The following PAG1 variants were observed in gnomAD, a reference collection of about 807,000 sequenced individuals.
PAG1 encodes phosphoprotein associated with glycosphingolipid-enriched microdomains 1.
A neutral mutation model predicts 31.7 loss-of-function variants in PAG1; 23 were observed. The ratio of observed to expected loss-of-function variants is 0.73; its 90% CI spans 0.52 to 1.03. PAG1 has a LOEUF of 1.03. PAG1 is among the 50% of genes least tolerant of loss of function. The pLI, the probability that PAG1 is intolerant of heterozygous loss-of-function variation, is 0.00. For missense variants in PAG1, 473 were observed against 540.7 expected, an observed-to-expected ratio of 0.87 and a Z score of 1.24; for synonymous variants, 214 against 210.3, an observed-to-expected ratio of 1.02 and a Z score of -0.15.
In PAG1 at chr8:80,993,309, T is replaced by C. The variant is rs1400382518; in HGVS notation, c.-80-2A>G. ...GACATGGAGGCAGAGAGCTGTGTCC[T>C]GCAAAGAGACCAGTGCGTTTGGAGA... is the stretch of plus-strand genomic sequence containing the variant. On this transcript the variant is annotated splice_acceptor_variant, in intron 3 of 8. Coordinates refer to ENST00000220597, the MANE Select transcript of PAG1 (RefSeq NM_018440.4). LOFTEE classifies it low-confidence loss of function (5UTR_SPLICE). The C allele has an allele frequency of 2.2e-6, 3 of 1,391,502 alleles. No homozygotes were observed. In the African/African-American group the frequency reaches 4.3e-5, roughly 20 times the overall value. The allele number at this position is 1,391,502 out of a possible 1,614,324, so 86.2% of individuals were successfully genotyped here. A position where few individuals can be genotyped will look rare whatever the true frequency, so the allele number is the denominator to read the frequency against.
At chr8:80,996,704 G>A (rs905174612) in intron 3 of PAG1, among the ~76,000 whole-genome samples, 9 of 152,132 alleles carry the variant, frequency 5.9e-5, no homozygotes, top group Admixed American at 2.6e-4. Flanking sequence ...TCATGCAGAG[G>A]GCCCAGTGCT....
Position 80,993,408 on chromosome 8 carries a change from G to C in PAG1, c.-80-101C>G, listed in dbSNP as rs1586150981. The stretch of plus-strand genomic sequence containing the variant: ...AGCAAGACCTTTGCGCAAAGTCAGG[G>C]AAGCGTGTGCTGGATGCTGAGGAGA... On this transcript the variant is annotated intron_variant, in intron 3 of 8. Transcript: ENST00000220597. 21 of 588,018 alleles carry C rather than the reference G, an allele frequency of 3.6e-5. No homozygotes were observed. In the East Asian group the frequency reaches 6.4e-4, roughly 18 times the overall value. The allele number at this position is 588,018 out of a possible 1,614,324, so 36.4% of individuals were successfully genotyped here.
At chr8:81,024,507 A>G (rs946527715) in intron 3 of PAG1, among the ~76,000 whole-genome samples, 1 of 152,206 alleles carries the variant, frequency 6.6e-6, no homozygotes, top group Non-Finnish European at 1.5e-5. Context: ...TCCGTAAATG[A>G]GGATGATGTA....
chr8:81,091,373 T>C (rs530047508), intron 1 of PAG1, among the ~76,000 whole-genome samples: 35 of 152,292 alleles, frequency 2.3e-4, no homozygotes, highest in African/African-American at 7.5e-4. Flanking sequence ...TATGATCTAG[T>C]AGAGAATCAT....
At chr8:81,043,561 T>C (rs1808590635) in intron 2 of PAG1, among the ~76,000 whole-genome samples, 1 of 152,216 alleles carries the variant, frequency 6.6e-6, no homozygotes, top group East Asian at 1.9e-4. Flanking sequence ...TATAGAACAT[T>C]CAATGAATGG....
At chr8:81,043,286 C>T (rs1287088395) in intron 2 of PAG1, among the ~76,000 whole-genome samples, 1 of 152,128 alleles carries the variant, frequency 6.6e-6, no homozygotes, top group Non-Finnish European at 1.5e-5. Context: ...TCACAGAACA[C>T]ACAGGATATA....
intron 1 of PAG1, among the ~76,000 whole-genome samples, chr8:81,098,546 C>T (rs1809563035): frequency 6.6e-6 from 1 of 152,132 alleles, no homozygotes. Flanking sequence ...TCTGGGGCTA[C>T]CTGGGATGGC....
intron 2 of PAG1, among the ~76,000 whole-genome samples, chr8:81,030,721 A>G (rs1262258675): frequency 2.6e-5 from 4 of 152,168 alleles, no homozygotes; most frequent in Non-Finnish European, 4.4e-5. Context: ...CAGCTCCCCA[A>G]TCCTACCTGT....
At chr8:81,037,630 C>T (rs1007252386) in intron 2 of PAG1, among the ~76,000 whole-genome samples, 10 of 152,172 alleles carry the variant, frequency 6.6e-5, no homozygotes, top group Admixed American at 2.6e-4. Context: ...TTAAATGTTG[C>T]TTTAGTGAAT....
At chr8:81,046,845 AC>A (rs557435833) in intron 2 of PAG1, among the ~76,000 whole-genome samples, 1 of 150,550 alleles carries the variant, frequency 6.6e-6, no homozygotes, top group East Asian at 2.0e-4. Context: ...CCCTCCTCCT[AC>A]CCCCCAACCC....
intron 3 of PAG1, among the ~76,000 whole-genome samples, chr8:81,020,231 T>C (rs992663285): frequency 6.6e-6 from 1 of 152,188 alleles, no homozygotes; most frequent in Non-Finnish European, 1.5e-5. Flanking sequence ...TGTGGACTTT[T>C]GAGGTGATGC....
chr8:80,995,675 A>T (rs1278816308), intron 3 of PAG1, among the ~76,000 whole-genome samples: 1 of 152,254 alleles, frequency 6.6e-6, no homozygotes, highest in Non-Finnish European at 1.5e-5. Flanking sequence ...AGATTAATTG[A>T]TGCCCATTTA....
Position 81,049,098 on chromosome 8 carries a change from G to A in PAG1, c.-174-19009C>T, listed in dbSNP as rs373932998. On this transcript the variant is annotated intron_variant, in intron 2 of 8. Coordinates refer to ENST00000220597, the MANE Select transcript of PAG1 (RefSeq NM_018440.4). ...AATATATGCTCTATACTGTGATCCT[G>A]CAGAGCAAACCTAATTACACATTGA... Among the ~76,000 whole-genome samples the A allele has an allele frequency of 2.0e-5, 3 of 152,178 alleles. No individual in the cohort carries two copies. The South Asian group carries it at 6.2e-4, about 31-fold the overall frequency.
At chr8:80,992,355 G>A (rs1452563638) in intron 4 of PAG1, among the ~76,000 whole-genome samples, 1 of 152,232 alleles carries the variant, frequency 6.6e-6, no homozygotes, top group Non-Finnish European at 1.5e-5. Context: ...GACGCTCCTG[G>A]AGTTGCTTCC....
rs1446812476 is a variant in PAG1, at chr8:80,975,310, T to G, written c.*1234A>C. 12 of 152,220 alleles carry G rather than the reference T, an allele frequency of 7.9e-5. No individual in the cohort carries two copies. The highest frequency in any genetic ancestry group is 7.9e-4 in the Admixed American group (12 of 15,286). The allele number at this position is 152,220 out of a possible 1,614,324, so 9.4% of individuals were successfully genotyped here. On this transcript the variant is annotated 3_prime_UTR_variant, in exon 9 of 9. Coordinates refer to ENST00000220597, the MANE Select transcript of PAG1 (RefSeq NM_018440.4). The stretch of plus-strand genomic sequence containing the variant: ...AAAAACCATCAGTGTTTTAAACACT[T>G]GATTAGAAAAAAGATAACAGCTCCT...
chr8:81,083,291 T>A (rs1054322653), intron 1 of PAG1, among the ~76,000 whole-genome samples: 1 of 152,102 alleles, frequency 6.6e-6, no homozygotes, highest in Non-Finnish European at 1.5e-5. Flanking sequence ...ACCACCCCAG[T>A]TGGAGAGGAA....
intron 1 of PAG1, among the ~76,000 whole-genome samples, chr8:81,104,617 TC>T (rs1380161261): frequency 6.6e-6 from 1 of 152,140 alleles, no homozygotes; most frequent in Admixed American, 6.5e-5. Context: ...AACTGCTCCA[TC>T]CTCTGTATTC....
At chr8:80,979,099 C>T (rs751303387) in intron 8 of PAG1, among the ~76,000 whole-genome samples, 2 of 152,136 alleles carry the variant, frequency 1.3e-5, no homozygotes, top group Non-Finnish European at 2.9e-5. Context: ...CCTCTTTGTC[C>T]TAAAATGAAT....
chr8:81,024,398 C>T (rs573275490), intron 3 of PAG1, among the ~76,000 whole-genome samples: 6 of 152,294 alleles, frequency 3.9e-5, no homozygotes, highest in Admixed American at 2.0e-4. Flanking sequence ...TCCTGGCACA[C>T]GGCCCCTCCA....
Sources: allele counts gnomAD v4.1 joint callset (sites outside exome capture counted in the v4.1 genomes callset), GRCh38; gene constraint gnomAD v4.1.1; transcripts MANE v1.5; gene names NCBI Gene and HGNC (gene_info 2026-07-23, HGNC 2026-07-21).